Variants in UGCG observed in about 807,000 individuals in gnomAD.
UGCG encodes the protein UDP-glucose ceramide glucosyltransferase, also known as ceramide glucosyltransferase.
UGCG carries 10 observed loss-of-function variants against 49.5 expected under a neutral mutation model. That is an observed-to-expected ratio of 0.20 (90% CI 0.12 to 0.34). UGCG has a LOEUF of 0.34. Among genes scored for constraint, UGCG ranks in the 10% least tolerant of loss-of-function variants. The probability of loss-of-function intolerance (pLI) is 1.00; values close to 1 mark genes in which losing one functional copy is unlikely to be tolerated. For missense variants in UGCG, 312 were observed against 483.7 expected (o/e 0.65, Z 3.33); for synonymous variants, 182 against 158.2 (o/e 1.15, Z -1.13).
At chr9:111,923,537 G>A (rs1203436573) in intron 3 of UGCG, among the ~76,000 whole-genome samples, 1 of 151,994 alleles carries the variant, frequency 6.6e-6, no homozygotes, top group Non-Finnish European at 1.5e-5. Context: ...AATTAATCAG[G>A]ACCATTACAA....
chr9:111,903,788 G>A (rs1304114776), intron 1 of UGCG, among the ~76,000 whole-genome samples: 1 of 152,076 alleles, frequency 6.6e-6, no homozygotes, highest in Non-Finnish European at 1.5e-5. Context: ...TAGAGACGGG[G>A]TTCCGCCGTG....
intron 1 of UGCG, among the ~76,000 whole-genome samples, chr9:111,905,403 C>T (rs1406178862): frequency 6.6e-6 from 1 of 152,084 alleles, no homozygotes; most frequent in Non-Finnish European, 1.5e-5. Context: ...TTACTTGCAT[C>T]CTGGCTGTCT....
intron 1 of UGCG, among the ~76,000 whole-genome samples, chr9:111,908,745 G>C (rs1026557772): frequency 2.0e-5 from 3 of 152,150 alleles, no homozygotes; most frequent in Non-Finnish European, 2.9e-5. Flanking sequence ...CAACGTGTAG[G>C]AATCATAGGC....
At chr9:111,909,503 G>A (rs1837955595) in intron 1 of UGCG, among the ~76,000 whole-genome samples, 1 of 152,226 alleles carries the variant, frequency 6.6e-6, no homozygotes, top group Admixed American at 6.5e-5. Context: ...ATCTTTAAGA[G>A]TTTTGTAAGG....
At chr9:111,902,935 A>AC (rs775478780) in intron 1 of UGCG, among the ~76,000 whole-genome samples, 10 of 152,048 alleles carry the variant, frequency 6.6e-5, no homozygotes, top group Non-Finnish European at 1.5e-4. Context: ...GTGCCACCAC[A>AC]CCCCGCTAAT....
intron 1 of UGCG, among the ~76,000 whole-genome samples, chr9:111,901,150 T>G (rs762191499): frequency 6.6e-5 from 10 of 152,344 alleles, no homozygotes; most frequent in South Asian, 4.1e-4. Flanking sequence ...GCAACTTCAA[T>G]ACCTGATGCA....
chr9:111,902,405 C>T (rs755985713), intron 1 of UGCG, among the ~76,000 whole-genome samples: 2 of 152,132 alleles, frequency 1.3e-5, no homozygotes, highest in Non-Finnish European at 2.9e-5. Flanking sequence ...GCTTATGAAG[C>T]CCATTTTGAA....
At chr9:111,924,146 T>G (rs1394408619) in intron 3 of UGCG, among the ~76,000 whole-genome samples, 2 of 152,194 alleles carry the variant, frequency 1.3e-5, no homozygotes, top group Non-Finnish European at 2.9e-5. Flanking sequence ...ATTTATGAAT[T>G]TATACTGTTT....
intron 1 of UGCG, among the ~76,000 whole-genome samples, chr9:111,905,698 C>G (rs868780019): frequency 6.6e-6 from 1 of 152,030 alleles, no homozygotes; most frequent in Non-Finnish European, 1.5e-5. Flanking sequence ...AGGTGATCCA[C>G]CCGCCTCAGC....
At chr9:111,931,444 G>A (rs985469284) in intron 7 of UGCG, 87 bp downstream of exon 7, 38 of 1,231,686 alleles carry the variant, frequency 3.1e-5, no homozygotes, top group Non-Finnish European at 3.9e-5. Context: ...GTAGTTAAAT[G>A]AATGTACCTA....
At chr9:111,901,282 C>T (rs935707329) in intron 1 of UGCG, among the ~76,000 whole-genome samples, 2 of 152,084 alleles carry the variant, frequency 1.3e-5, no homozygotes, top group South Asian at 4.1e-4. Context: ...TTAGTTAGTA[C>T]GATCTTTGCC....
intron 2 of UGCG, among the ~76,000 whole-genome samples, chr9:111,921,293 C>T (rs1838217763): frequency 6.6e-6 from 1 of 152,168 alleles, no homozygotes; most frequent in African/African-American, 2.4e-5. Flanking sequence ...AAAATCACTA[C>T]TTAGAATACA....
intron 1 of UGCG, among the ~76,000 whole-genome samples, chr9:111,901,738 T>G (rs1837776562): frequency 6.6e-6 from 1 of 152,210 alleles, no homozygotes; most frequent in Middle Eastern, 3.2e-3. Context: ...ATTTTAGTAT[T>G]CAGTGATGGT....
chr9:111,930,437 A>T (rs187823274), intron 6 of UGCG, among the ~76,000 whole-genome samples: 1 of 150,798 alleles, frequency 6.6e-6, no homozygotes, highest in East Asian at 1.9e-4. Flanking sequence ...CTGACTTAGC[A>T]TTTCTCTATC....
intron 5 of UGCG, among the ~76,000 whole-genome samples, chr9:111,929,049 AC>A (rs890815172): frequency 4.7e-5 from 6 of 127,820 alleles, no homozygotes; most frequent in African/African-American, 1.7e-4. Flanking sequence ...TCCCCTCCCC[AC>A]CCCCCACCCC....
At chr9:111,908,581 G>A (rs1169406902) in intron 1 of UGCG, among the ~76,000 whole-genome samples, 1 of 152,148 alleles carries the variant, frequency 6.6e-6, no homozygotes, top group African/African-American at 2.4e-5. Flanking sequence ...TCAATAAAAA[G>A]TACCCCCCAC....
At chr9:111,909,809 G>A (rs2131720307) in intron 1 of UGCG, among the ~76,000 whole-genome samples, 1 of 152,296 alleles carries the variant, frequency 6.6e-6, no homozygotes, top group East Asian at 1.9e-4. Flanking sequence ...GTTGCGTTAT[G>A]TAAGTCAAAA....
intron 2 of UGCG, among the ~76,000 whole-genome samples, chr9:111,921,899 C>T (rs1238471015): frequency 7.0e-6 from 1 of 142,702 alleles, no homozygotes; most frequent in African/African-American, 2.6e-5. Context: ...GCAGCCTCAA[C>T]CTCCTGGGCT....
chr9:111,915,151 C>T (rs1838089993), intron 2 of UGCG, among the ~76,000 whole-genome samples: 1 of 152,190 alleles, frequency 6.6e-6, no homozygotes, highest in African/African-American at 2.4e-5. Context: ...CGTGACTTCT[C>T]CGGAGAAACT....
Sources: allele counts gnomAD v4.1 joint callset (sites outside exome capture counted in the v4.1 genomes callset), GRCh38; gene constraint gnomAD v4.1.1; transcripts MANE v1.5; gene names NCBI Gene and HGNC (gene_info 2026-07-23, HGNC 2026-07-21).